TM2D1: variants seen among roughly 807,000 people sequenced by gnomAD.
TM2D1 encodes TM2 domain-containing protein 1.
In TM2D1, 15 loss-of-function variants were observed where a neutral mutation model predicts 28.4. The ratio of observed to expected loss-of-function variants is 0.53; its 90% confidence interval spans 0.35 to 0.81. The LOEUF (loss-of-function observed/expected upper bound fraction) is 0.81, where lower values mean the gene tolerates loss of function less well. Ranked by LOEUF, TM2D1 falls within the 40% of genes least tolerant of loss-of-function variation. The pLI, the probability that TM2D1 is intolerant of heterozygous loss-of-function variation, is 0.01. For synonymous variants in TM2D1, 93 were observed against 96.2 expected, an observed-to-expected ratio of 0.97 and a Z score of 0.20; for missense variants, 236 against 254.9, an observed-to-expected ratio of 0.93 and a Z score of 0.50.
chr1:61,715,645 C>CAA lies in TM2D1; in HGVS notation c.239-6210_239-6209dup, dbSNP rs759796747. ...CCTGGGTGACAGAGCAAGACTGTCT[C>CAA]AAAAAAAAAAAAAAAAAAAAAAAAA... On this transcript the variant is annotated intron_variant, in intron 2 of 6. Coordinates refer to ENST00000606498, the MANE Select transcript of TM2D1 (RefSeq NM_032027.3). Among the ~76,000 whole-genome samples, 11 of 16,422 alleles carry CAA rather than the reference C, an allele frequency of 6.7e-4. 1 individual carries two copies. Among genetic ancestry groups the CAA allele is most frequent in the East Asian group, 3.9e-3 (1 of 254 alleles). The allele number at this position is 16,422 out of a possible 152,430, so 10.8% of individuals were successfully genotyped here.
intron 2 of TM2D1, among the ~76,000 whole-genome samples, chr1:61,713,446 T>A (rs1405020412): frequency 8.2e-6 from 1 of 121,944 alleles, no homozygotes; most frequent in Non-Finnish European, 1.6e-5. Flanking sequence ...CCACTTACAC[T>A]CCAGCCTGGG....
chr1:61,697,906 TC>T (rs1295737562), intron 4 of TM2D1: 1 of 152,208 alleles, frequency 6.6e-6, no homozygotes, highest in East Asian at 1.9e-4. Context: ...TATTCCCTTA[TC>T]CAATATTTTA....
chr1:61,706,638 G>A (rs907743620), intron 3 of TM2D1, among the ~76,000 whole-genome samples: 4 of 150,336 alleles, frequency 2.7e-5, no homozygotes. Flanking sequence ...GAGAAACCCC[G>A]TCTCTACTAA....
chr1:61,698,033 C>T (rs1557530122), intron 4 of TM2D1: 1 of 152,150 alleles, frequency 6.6e-6, no homozygotes. Flanking sequence ...GGTGTTATTA[C>T]ATTACTTTCC....
chr1:61,720,538 G>A (rs1460013894), intron 2 of TM2D1, among the ~76,000 whole-genome samples: 4 of 151,772 alleles, frequency 2.6e-5, no homozygotes, highest in African/African-American at 7.3e-5. Context: ...CACCTCACCC[G>A]GGCTGACAGA....
intron 2 of TM2D1, among the ~76,000 whole-genome samples, chr1:61,715,777 G>A (rs987972490): frequency 3.3e-5 from 5 of 151,602 alleles, no homozygotes; most frequent in Non-Finnish European, 7.4e-5. Context: ...GTGTTTAGGG[G>A]CTTGAGCCCA....
At chr1:61,682,600 T>A (rs1027715641) in intron 6 of TM2D1, among the ~76,000 whole-genome samples, 1 of 152,156 alleles carries the variant, frequency 6.6e-6, no homozygotes, top group Admixed American at 6.6e-5. Context: ...GGTTTATCAC[T>A]TATTTAAAGC....
chr1:61,692,882 CACTCTA>C (rs1378233831), intron 5 of TM2D1, among the ~76,000 whole-genome samples: 1 of 152,198 alleles, frequency 6.6e-6, no homozygotes, highest in Admixed American at 6.5e-5. Flanking sequence ...GATGTTCACA[CACTCTA>C]ACTCTACACC....
chr1:61,723,271 G>A (rs1644581199), intron 2 of TM2D1, among the ~76,000 whole-genome samples: 1 of 152,180 alleles, frequency 6.6e-6, no homozygotes, highest in Non-Finnish European at 1.5e-5. Flanking sequence ...TGAAGTTGCT[G>A]GGAAGCAGAA....
intron 3 of TM2D1, among the ~76,000 whole-genome samples, chr1:61,703,797 C>T (rs1168524934): frequency 2.8e-5 from 4 of 144,622 alleles, no homozygotes; most frequent in African/African-American, 1.0e-4. Flanking sequence ...GCTCTTGTCA[C>T]CCAGACTGGA....
intron 5 of TM2D1, among the ~76,000 whole-genome samples, chr1:61,691,932 A>AAAAAAAAAAAATAT: frequency 2.6e-5 from 2 of 76,404 alleles, no homozygotes; most frequent in East Asian, 4.7e-4. Flanking sequence ...AAAAAAAAAA[A>AAAAAAAAAAAATAT]ATATATATAT....
intron 4 of TM2D1, 106 bp from the exon 5 acceptor site, chr1:61,694,876 T>G: frequency 2.0e-6 from 1 of 501,974 alleles, no homozygotes; most frequent in Non-Finnish European, 3.4e-6. Context: ...TCACACTCTT[T>G]ATATCAAGAA....
At chr1:61,702,386 T>G (rs1214573604) in intron 3 of TM2D1, among the ~76,000 whole-genome samples, 1 of 151,170 alleles carries the variant, frequency 6.6e-6, no homozygotes, top group Non-Finnish European at 1.5e-5. Context: ...CTTTTTTTTT[T>G]GAGATGGAAT....
At chr1:61,695,326 A>G (rs1416328013) in intron 4 of TM2D1, among the ~76,000 whole-genome samples, 1 of 152,172 alleles carries the variant, frequency 6.6e-6, no homozygotes, top group Non-Finnish European at 1.5e-5. Flanking sequence ...TCTATAGTCA[A>G]AATCAACAAT....
intron 5 of TM2D1, 40 bp downstream of exon 5, chr1:61,694,657 G>C (rs1344796499): frequency 2.9e-6 from 4 of 1,361,984 alleles, no homozygotes; most frequent in East Asian, 2.4e-5. Flanking sequence ...ACTCAATTTT[G>C]AATGTAAAAG....
At chr1:61,710,218 G>C (rs1487384512) in intron 2 of TM2D1, among the ~76,000 whole-genome samples, 3 of 151,756 alleles carry the variant, frequency 2.0e-5, no homozygotes, top group African/African-American at 7.3e-5. Flanking sequence ...GAGATGGGCA[G>C]ATTCAAGACC....
chr1:61,721,975 A>T (rs1006093019), intron 2 of TM2D1, among the ~76,000 whole-genome samples: 2 of 150,580 alleles, frequency 1.3e-5, no homozygotes, highest in Admixed American at 1.3e-4. Flanking sequence ...AAAAAAAAAA[A>T]AAAGTCAGGG....
chr1:61,719,580 C>T (rs1043834296), intron 2 of TM2D1, among the ~76,000 whole-genome samples: 17 of 152,020 alleles, frequency 1.1e-4, no homozygotes, highest in African/African-American at 3.9e-4. Context: ...GCAACCTCCA[C>T]CTCCCGGGTT....
chr1:61,714,697 G>T (rs1210799399), intron 2 of TM2D1, among the ~76,000 whole-genome samples: 1 of 152,142 alleles, frequency 6.6e-6, no homozygotes, highest in Non-Finnish European at 1.5e-5. Flanking sequence ...TGGTACTATA[G>T]GTGTGTGCCA....
Sources: allele counts gnomAD v4.1 joint callset (sites outside exome capture counted in the v4.1 genomes callset), GRCh38; gene constraint gnomAD v4.1.1; transcripts MANE v1.5; gene names NCBI Gene and HGNC (gene_info 2026-07-23, HGNC 2026-07-21).